Variants in FBXO4 observed in about 807,000 individuals in gnomAD.
FBXO4 encodes F-box only protein 4.
Under a neutral mutation model 43.7 loss-of-function variants are expected in FBXO4, and 36 were observed. The ratio of observed to expected loss-of-function variants is 0.82; its 90% CI spans 0.63 to 1.09. FBXO4 has a LOEUF of 1.09. Among genes scored for constraint, FBXO4 ranks in the 50% least tolerant of loss-of-function variants. FBXO4 has a pLI of 0.00. For missense variants in FBXO4, 435 were observed against 474.1 expected, an observed-to-expected ratio of 0.92 and a Z score of 0.77; for synonymous variants, 180 against 165.6, an observed-to-expected ratio of 1.09 and a Z score of -0.67.
In FBXO4 at chr5:41,939,482, A is replaced by C; in HGVS notation, c.940A>C (p.Thr314Pro). 1 of 1,613,558 alleles carries C rather than the reference A, an allele frequency of 6.2e-7. No homozygotes were observed. The highest frequency in any genetic ancestry group is 8.5e-7 in the Non-Finnish European group (1 of 1,179,682). Residue 314 changes from threonine to proline, a missense_variant, in exon 6 of 7, where the codon ACA becomes CCA. Thr to Pro is a conservative substitution (Grantham distance 38). Transcript: ENST00000281623. Reference protein sequence around the residue: ...QDEFSHIMAMTDPAFGSSGRP... With the variant: ...QDEFSHIMAMPDPAFGSSGRP... ...TGAATTTTCTCATATTATGGCAATG[A>C]CAGATCCAGCCTTTGGGTCTTCGGG... is the stretch of plus-strand genomic sequence containing the variant.
At chr5:42,024,555 C>T in the FBXO4 span, among the ~76,000 whole-genome samples, 1 of 152,014 alleles carries the variant, frequency 6.6e-6, no homozygotes. Context: ...CTTTGTGTTA[C>T]AAACAATCCC....
the FBXO4 span, among the ~76,000 whole-genome samples, chr5:41,955,873 C>A: frequency 6.6e-6 from 1 of 152,130 alleles, no homozygotes; most frequent in South Asian, 2.1e-4. Context: ...GTTGAAAGTT[C>A]TCAGAAGTGG....
chr5:41,973,567 G>C, the FBXO4 span, among the ~76,000 whole-genome samples: 1 of 152,152 alleles, frequency 6.6e-6, no homozygotes, highest in African/African-American at 2.4e-5. Flanking sequence ...TGAGGTCCCA[G>C]CTACTCAGGA....
the FBXO4 span, among the ~76,000 whole-genome samples, chr5:42,019,961 T>A: frequency 6.6e-6 from 1 of 152,146 alleles, no homozygotes; most frequent in Non-Finnish European, 1.5e-5. Context: ...ATAATAATTT[T>A]CAAAATTATT....
the FBXO4 span, among the ~76,000 whole-genome samples, chr5:42,019,006 C>T: frequency 2.0e-5 from 3 of 152,064 alleles, no homozygotes; most frequent in East Asian, 5.8e-4. Context: ...TTATACTGTC[C>T]AATACTATAG....
At chr5:41,991,845 G>A in the FBXO4 span, among the ~76,000 whole-genome samples, 5 of 152,286 alleles carry the variant, frequency 3.3e-5, no homozygotes, top group South Asian at 2.1e-4. Context: ...TTGGGAGGCC[G>A]AGGAGGGCGG....
At chr5:42,015,718 T>TG in the FBXO4 span, among the ~76,000 whole-genome samples, 2 of 147,072 alleles carry the variant, frequency 1.4e-5, no homozygotes, top group Admixed American at 1.3e-4. Context: ...TTGCCAGGAT[T>TG]GAAAAAAAAA....
chr5:41,938,144 T>C (rs551471402), intron 5 of FBXO4, among the ~76,000 whole-genome samples: 16 of 152,170 alleles, frequency 1.1e-4, no homozygotes, highest in Non-Finnish European at 2.4e-4. Context: ...GGTTTTTTTC[T>C]AATTTTAATA....
intron 5 of FBXO4, among the ~76,000 whole-genome samples, chr5:41,938,536 C>A: frequency 6.6e-6 from 1 of 152,178 alleles, no homozygotes; most frequent in East Asian, 1.9e-4. Context: ...TATTAATTTT[C>A]AATTTCTATT....
the FBXO4 span, among the ~76,000 whole-genome samples, chr5:42,020,796 A>G: frequency 6.6e-6 from 1 of 152,186 alleles, no homozygotes; most frequent in African/African-American, 2.4e-5. Context: ...TGAAGCCTTT[A>G]TCTTTCCAAT....
the FBXO4 span, chr5:41,967,575 C>G: frequency 9.0e-7 from 1 of 1,109,338 alleles, no homozygotes; most frequent in South Asian, 1.3e-5. Context: ...ATAGGCATTA[C>G]AACATTTTTT....
the FBXO4 span, among the ~76,000 whole-genome samples, chr5:42,037,328 C>T: frequency 1.7e-4 from 26 of 151,994 alleles, no homozygotes; most frequent in African/African-American, 6.3e-4. Flanking sequence ...CCGTCCCCCA[C>T]CTTCTTTTTA....
the FBXO4 span, among the ~76,000 whole-genome samples, chr5:42,003,225 G>C: frequency 6.6e-6 from 1 of 152,168 alleles, no homozygotes; most frequent in Non-Finnish European, 1.5e-5. Context: ...CAAAAATAGA[G>C]ATTTAACACT....
At chr5:41,930,044 C>G (rs1751634681) in intron 3 of FBXO4, 127 bp downstream of exon 3, 2 of 730,832 alleles carry the variant, frequency 2.7e-6, no homozygotes, top group Non-Finnish European at 2.2e-6. Flanking sequence ...TTGTTGGGAG[C>G]CCTACCAGGT....
At chr5:41,999,494 CAT>C in the FBXO4 span, among the ~76,000 whole-genome samples, 29,792 of 86,466 alleles carry the variant, frequency 0.34, 4,023 homozygotes, top group Middle Eastern at 0.43. Context: ...TATATATATA[CAT>C]ATATATATGT....
the FBXO4 span, among the ~76,000 whole-genome samples, chr5:41,952,842 T>A: frequency 1.3e-5 from 2 of 152,256 alleles, no homozygotes; most frequent in African/African-American, 4.8e-5. Context: ...CAATTTTAGG[T>A]GTATTTTTGA....
chr5:42,002,911 C>T, the FBXO4 span, among the ~76,000 whole-genome samples: 1 of 152,116 alleles, frequency 6.6e-6, no homozygotes, highest in Non-Finnish European at 1.5e-5. Flanking sequence ...ATCACCATCA[C>T]CTTTTGTTTA....
At chr5:41,973,270 A>C in the FBXO4 span, among the ~76,000 whole-genome samples, 1 of 152,246 alleles carries the variant, frequency 6.6e-6, no homozygotes, top group Non-Finnish European at 1.5e-5. Context: ...ACATGAACAG[A>C]CACTTCTCAA....
the FBXO4 span, among the ~76,000 whole-genome samples, chr5:41,960,558 G>A: frequency 1.3e-5 from 2 of 152,114 alleles, no homozygotes; most frequent in Non-Finnish European, 2.9e-5. Flanking sequence ...GTTTTATGAT[G>A]AAAGGATGTT....
Sources: gnomAD v4.1 joint callset for allele counts (sites outside exome capture counted in the v4.1 genomes callset) on GRCh38, gnomAD v4.1.1 for gene constraint, MANE v1.5 for transcripts, NCBI Gene and HGNC (gene_info 2026-07-23, HGNC 2026-07-21) for gene names.